ITPRID1: variants seen among roughly 807,000 people sequenced by gnomAD.
ITPRID1 encodes the protein ITPR interacting domain containing 1.
In ITPRID1, 96 loss-of-function variants were observed where a neutral mutation model predicts 95.4. The observed-to-expected ratio is 1.01, with a 90% CI of 0.85 to 1.19. ITPRID1 has a LOEUF of 1.19. Ranked by LOEUF, ITPRID1 falls within the 50% of genes most tolerant of loss-of-function variation. The pLI is 0.00. For synonymous variants in ITPRID1, 510 were observed against 453.6 expected (o/e 1.12, Z -1.58); for missense variants, 1,339 against 1,252.9 (o/e 1.07, Z -1.04).
chr7:31,589,895 G>A (rs1464978585), intron 10 of ITPRID1, among the ~76,000 whole-genome samples: 1 of 152,088 alleles, frequency 6.6e-6, no homozygotes. Context: ...GGGTGGGGGA[G>A]TTGGTAAATG....
chr7:31,531,034 A>G (rs1583465102), intron 1 of ITPRID1, among the ~76,000 whole-genome samples: 1 of 152,314 alleles, frequency 6.6e-6, no homozygotes, highest in East Asian at 1.9e-4. Flanking sequence ...AGGTCTGGGA[A>G]AACTCCAGGG....
intron 9 of ITPRID1, among the ~76,000 whole-genome samples, chr7:31,579,873 GA>G (rs1042853431): frequency 1.3e-5 from 2 of 151,824 alleles, no homozygotes; most frequent in African/African-American, 2.4e-5. Flanking sequence ...ATAAAAGGAA[GA>G]AAAAAGCATA....
intron 6 of ITPRID1, among the ~76,000 whole-genome samples, 199 bp from the exon 7 acceptor site, chr7:31,571,903 C>T (rs1290143698): frequency 2.0e-5 from 3 of 152,136 alleles, no homozygotes; most frequent in Non-Finnish European, 4.4e-5. Flanking sequence ...ATTCTTACAC[C>T]TTCTATAATA....
intron 10 of ITPRID1, among the ~76,000 whole-genome samples, chr7:31,617,853 T>TTAAGAAGAGAGTTACTTTTATTTAC (rs1360608851): frequency 6.6e-6 from 1 of 152,174 alleles, no homozygotes; most frequent in Admixed American, 6.5e-5. Flanking sequence ...ATTTGACCTA[T>TTAAGAAGAGAGTTACTTTTATTTAC]TAAGAAGAGA....
Position 31,643,254 on chromosome 7 carries a change from C to G in ITPRID1, c.1884C>G (p.His628Gln). The G allele has an allele frequency of 6.2e-7, 1 of 1,613,784 alleles. No homozygotes were observed. The highest frequency in any genetic ancestry group is 8.5e-7 in the Non-Finnish European group (1 of 1,179,874). Residue 628 changes from histidine to glutamine, a missense_variant, in exon 12 of 15, where the codon CAC becomes CAG. Physicochemically the swap from His to Gln is conservative, Grantham distance 24. Transcript: ENST00000615280. ...AGGAAAGCAGTGGATTCTGTCCTCA[C>G]ACCAACCACAGCTTACTCGTACCAG... ...REEESSGFCP[H>Q]TNHSLLVPES...
At chr7:31,610,358 C>G (rs1053515523) in intron 10 of ITPRID1, among the ~76,000 whole-genome samples, 1 of 151,626 alleles carries the variant, frequency 6.6e-6, no homozygotes, top group Non-Finnish European at 1.5e-5. Flanking sequence ...CAAAAAAATG[C>G]AGTAATGCAG....
chr7:31,611,151 A>G (rs577047289), intron 10 of ITPRID1, among the ~76,000 whole-genome samples: 1 of 151,414 alleles, frequency 6.6e-6, no homozygotes, highest in East Asian at 1.9e-4. Flanking sequence ...TTGCCCTGGG[A>G]ATTCCAATAT....
At chr7:31,649,997 A>G (rs1031585989) in intron 12 of ITPRID1, among the ~76,000 whole-genome samples, 1 of 152,098 alleles carries the variant, frequency 6.6e-6, no homozygotes, top group Non-Finnish European at 1.5e-5. Flanking sequence ...AAAGTGAAAA[A>G]TCACAAAGAA....
chr7:31,555,143 G>A (rs551353714), intron 5 of ITPRID1: 16 of 428,346 alleles, frequency 3.7e-5, no homozygotes, highest in Middle Eastern at 6.4e-4. Flanking sequence ...ATGGCTCAGA[G>A]TATAGCATAA....
intron 5 of ITPRID1, 179 bp downstream of exon 5, chr7:31,555,080 G>C (rs111363661): frequency 1.8e-6 from 1 of 565,876 alleles, no homozygotes; most frequent in Non-Finnish European, 3.2e-6. Context: ...AATGATAGGT[G>C]CTTCCCCAGC....
chr7:31,559,477 A>G (rs1467224412), intron 5 of ITPRID1, among the ~76,000 whole-genome samples: 2 of 152,136 alleles, frequency 1.3e-5, no homozygotes, highest in African/African-American at 4.8e-5. Flanking sequence ...CCTGGCCAAC[A>G]TGGCAAAATC....
At chr7:31,551,018 C>T (rs1784270117) in intron 2 of ITPRID1, among the ~76,000 whole-genome samples, 1 of 143,554 alleles carries the variant, frequency 7.0e-6, no homozygotes, top group South Asian at 2.3e-4. Context: ...GCAAACTCTC[C>T]CATTCTAAAT....
intron 12 of ITPRID1, among the ~76,000 whole-genome samples, chr7:31,648,388 T>C (rs1790668824): frequency 1.3e-5 from 2 of 152,148 alleles, no homozygotes. Context: ...AGGGTTTTTA[T>C]TTATTTTTTT....
intron 10 of ITPRID1, among the ~76,000 whole-genome samples, chr7:31,603,149 ACTC>A (rs1644339313): frequency 1.3e-5 from 2 of 150,662 alleles, no homozygotes; most frequent in Admixed American, 6.6e-5. Context: ...CTTCTGGAAA[ACTC>A]CTGTCTTGGC....
chr7:31,627,926 G>A (rs17160317), intron 10 of ITPRID1, among the ~76,000 whole-genome samples: 2,074 of 152,270 alleles, frequency 0.014, 57 homozygotes, highest in African/African-American at 0.047. Flanking sequence ...ATATCCAAAA[G>A]GGTTTAACTG....
chr7:31,571,209 G>T (rs1388175402), intron 6 of ITPRID1, among the ~76,000 whole-genome samples: 1 of 151,946 alleles, frequency 6.6e-6, no homozygotes, highest in Non-Finnish European at 1.5e-5. Context: ...TGTATTTTTA[G>T]TGGAGAGGGG....
At chr7:31,542,986 G>A (rs1472665079) in intron 1 of ITPRID1, among the ~76,000 whole-genome samples, 1 of 152,056 alleles carries the variant, frequency 6.6e-6, no homozygotes, top group East Asian at 1.9e-4. Context: ...AATACAGATT[G>A]CACACATAAC....
At chr7:31,656,713 G>A (rs1485521881), downstream of ITPRID1, among the ~76,000 whole-genome samples, 1 of 152,178 alleles carries the variant, frequency 6.6e-6, no homozygotes, top group African/African-American at 2.4e-5. Flanking sequence ...TTTGTGGACG[G>A]TTTTGACAGT....
At chr7:31,615,735 A>G (rs376336224) in intron 10 of ITPRID1, among the ~76,000 whole-genome samples, 11 of 145,284 alleles carry the variant, frequency 7.6e-5, no homozygotes, top group African/African-American at 2.5e-4. Context: ...GTAGCGTGTT[A>G]GAGTTTACTG....
Sources: allele counts gnomAD v4.1 joint callset (sites outside exome capture counted in the v4.1 genomes callset), GRCh38; gene constraint gnomAD v4.1.1; transcripts MANE v1.5; gene names NCBI Gene and HGNC (gene_info 2026-07-23, HGNC 2026-07-21).